The following TNRC6C variants were observed in gnomAD, a reference collection of about 807,000 sequenced individuals.
TNRC6C encodes the protein trinucleotide repeat containing adaptor 6C.
Under a neutral mutation model 153.7 loss-of-function variants are expected in TNRC6C, and 20 were observed. The observed-to-expected ratio is 0.13, with a 90% CI of 0.09 to 0.19. TNRC6C has a LOEUF of 0.19. TNRC6C is among the 10% of genes least tolerant of loss of function. The probability of loss-of-function intolerance (pLI) is 1.00; values close to 1 mark genes in which losing one functional copy is unlikely to be tolerated. For synonymous variants in TNRC6C, 811 were observed against 841.4 expected, an observed-to-expected ratio of 0.96 and a Z score of 0.63; for missense variants, 1,987 against 2,172.0, an observed-to-expected ratio of 0.91 and a Z score of 1.69.
chr17:78,062,884 A>G (rs1330523830), intron 3 of TNRC6C, among the ~76,000 whole-genome samples: 1 of 152,174 alleles, frequency 6.6e-6, no homozygotes, highest in Non-Finnish European at 1.5e-5. Context: ...CAGTCAGTTA[A>G]CACATACTTT....
chr17:78,069,703 G>A (rs55825837), intron 5 of TNRC6C, among the ~76,000 whole-genome samples: 15,403 of 152,128 alleles, frequency 0.1, 847 homozygotes, highest in East Asian at 0.18. Context: ...ACATTATACA[G>A]AACTAAAAGG....
intron 3 of TNRC6C, among the ~76,000 whole-genome samples, chr17:78,060,449 T>G (rs2072744042): frequency 6.6e-6 from 1 of 151,832 alleles, no homozygotes; most frequent in Non-Finnish European, 1.5e-5. Flanking sequence ...CCTGATCGAT[T>G]GCATTTTTAA....
At chr17:77,982,685 G>A (rs1347748437) in intron 1 of TNRC6C, among the ~76,000 whole-genome samples, 1 of 152,082 alleles carries the variant, frequency 6.6e-6, no homozygotes, top group Non-Finnish European at 1.5e-5. Flanking sequence ...TAAAAAATCA[G>A]CTGGGTGTGG....
intron 3 of TNRC6C, among the ~76,000 whole-genome samples, chr17:78,055,104 C>T (rs1372981927): frequency 6.6e-6 from 1 of 152,212 alleles, no homozygotes; most frequent in Non-Finnish European, 1.5e-5. Flanking sequence ...ACGCTTAGGC[C>T]ACACTACATT....
At chr17:78,050,361 G>A (rs1187150465) in exon 3 of TNRC6C, 4 of 1,612,462 alleles carry the variant, frequency 2.5e-6, no homozygotes, top group Admixed American at 1.7e-5. Context: ...GGCACATCCA[G>A]TTGCCAAGGA....
At chr17:78,004,817 A>ATT (rs2071468697), upstream of TNRC6C, among the ~76,000 whole-genome samples, 1 of 152,164 alleles carries the variant, frequency 6.6e-6, no homozygotes, top group African/African-American at 2.4e-5. Flanking sequence ...GCCTGTTAAA[A>ATT]TTATAGAGTT....
At chr17:78,039,379 C>T (rs1437025533) in intron 2 of TNRC6C, among the ~76,000 whole-genome samples, 2 of 147,446 alleles carry the variant, frequency 1.4e-5, no homozygotes, top group Non-Finnish European at 3.0e-5. Context: ...ACCTTCTTGC[C>T]GTCACCCACG....
chr17:78,083,194 A>G (rs1169250278), intron 11 of TNRC6C, 28 bp downstream of exon 13: 1 of 1,612,820 alleles, frequency 6.2e-7, no homozygotes, highest in Admixed American at 1.7e-5. Flanking sequence ...TGCAAGTTAG[A>G]GCACGCAGGC....
chr17:78,091,564 G>T, exon 14 of TNRC6C: 1 of 1,592,954 alleles, frequency 6.3e-7, no homozygotes. Flanking sequence ...TGGATAACTT[G>T]CCCAGTGCCG....
At chr17:78,048,739 G>A in intron 2 of TNRC6C, 106 bp from the exon 5 acceptor site, 1 of 1,101,504 alleles carries the variant, frequency 9.1e-7, no homozygotes, top group Admixed American at 4.2e-5. Flanking sequence ...TTGTCATTCA[G>A]ATTTGAAGAC....
chr17:78,087,717 A>G (rs1307053988), intron 13 of TNRC6C, among the ~76,000 whole-genome samples: 1 of 152,172 alleles, frequency 6.6e-6, no homozygotes, highest in Non-Finnish European at 1.5e-5. Flanking sequence ...TGTTGATACA[A>G]CTCATTTTGT....
intron 1 of TNRC6C, among the ~76,000 whole-genome samples, chr17:77,979,477 A>G (rs751869872): frequency 6.6e-6 from 1 of 152,206 alleles, no homozygotes; most frequent in Non-Finnish European, 1.5e-5. Context: ...TTCTTAGCTG[A>G]AGAAAAAATT....
intron 1 of TNRC6C, among the ~76,000 whole-genome samples, chr17:77,983,804 A>G (rs1172290034): frequency 6.6e-6 from 1 of 151,654 alleles, no homozygotes; most frequent in Non-Finnish European, 1.5e-5. Context: ...CTGGAAGTTA[A>G]TTAATTTGAT....
chr17:78,023,321 G>A (rs1370143551), intron 1 of TNRC6C, among the ~76,000 whole-genome samples: 1 of 152,208 alleles, frequency 6.6e-6, no homozygotes, highest in Non-Finnish European at 1.5e-5. Flanking sequence ...GCCATCCAGT[G>A]TCAGTTATTT....
At chr17:78,015,739 G>A (rs142716429) in intron 1 of TNRC6C, among the ~76,000 whole-genome samples, 1 of 152,048 alleles carries the variant, frequency 6.6e-6, no homozygotes, top group Non-Finnish European at 1.5e-5. Flanking sequence ...TGGCAGAACC[G>A]CATCTCTACT....
upstream of TNRC6C, among the ~76,000 whole-genome samples, chr17:78,000,966 C>G (rs1458204232): frequency 6.6e-6 from 1 of 152,080 alleles, no homozygotes; most frequent in Non-Finnish European, 1.5e-5. Context: ...CCATCAGAAC[C>G]TCTGAAACAA....
chr17:77,968,504 G>T (rs2144050576), intron 1 of TNRC6C, among the ~76,000 whole-genome samples: 1 of 151,014 alleles, frequency 6.6e-6, no homozygotes, highest in South Asian at 2.1e-4. Flanking sequence ...ACCACACCCA[G>T]CTAATTTTTG....
rs140492926 is a variant in TNRC6C, at chr17:78,020,217, A to G, written c.-545-11299A>G. Among the ~76,000 whole-genome samples the G allele has an allele frequency of 1.5e-3, 228 of 152,314 alleles. 1 individual carries two copies. The highest frequency in any genetic ancestry group is 2.4e-3 in the Non-Finnish European group (163 of 68,032). On this transcript the variant is annotated intron_variant, in intron 1 of 19. Transcript: ENST00000301624. Reference sequence around the variant, plus strand: ...TCTTAGGGTCCAGGATGACCTGTAGACTACCAGCCATAGCATTAGCATTGC... The same window carrying G: ...TCTTAGGGTCCAGGATGACCTGTAGGCTACCAGCCATAGCATTAGCATTGC...
intron 15 of TNRC6C, 114 bp downstream of exon 17, chr17:78,093,238 T>A: frequency 8.4e-7 from 1 of 1,184,538 alleles, no homozygotes; most frequent in Non-Finnish European, 1.2e-6. Context: ...CTGGAAGCGT[T>A]AAGCCCAGAG....
Sources: allele counts gnomAD v4.1 joint callset (sites outside exome capture counted in the v4.1 genomes callset), GRCh38; gene constraint gnomAD v4.1.1; transcripts MANE v1.5; gene names NCBI Gene and HGNC (gene_info 2026-07-23, HGNC 2026-07-21).